ERCC6: variants seen among roughly 807,000 people sequenced by gnomAD.
ERCC6 encodes DNA excision repair protein ERCC-6.
Under a neutral mutation model 158.7 loss-of-function variants are expected in ERCC6, and 116 were observed. The observed-to-expected ratio is 0.73, with a 90% CI of 0.63 to 0.85. ERCC6 has a LOEUF of 0.85. Ranked by LOEUF, ERCC6 falls within the 40% of genes least tolerant of loss-of-function variation. The pLI, the probability that ERCC6 is intolerant of heterozygous loss-of-function variation, is 0.00. For missense variants in ERCC6, 1,698 were observed against 1,799.4 expected, an observed-to-expected ratio of 0.94 and a Z score of 1.02; for synonymous variants, 678 against 659.3, an observed-to-expected ratio of 1.03 and a Z score of -0.43.
rs538974759 is a variant in ERCC6, at chr10:49,500,920, T to C, written c.1527-224A>G. On this transcript the variant is annotated intron_variant, in intron 6 of 20. Coordinates refer to ENST00000355832, the MANE Select transcript of ERCC6 (RefSeq NM_000124.4). ...TTTTTCTTTACAAAACATTAACACATTTCTAATTAAACTGATAGATGGGGT... is the reference window on the plus strand; with the variant it reads ...TTTTTCTTTACAAAACATTAACACACTTCTAATTAAACTGATAGATGGGGT... 3.4e-5 allele frequency: 19 copies of C among 551,288 alleles called. No homozygotes were observed. In the Admixed American group the frequency reaches 6.0e-4, roughly 17 times the overall value. The allele number at this position is 551,288 out of a possible 1,614,324, so 34.1% of individuals were successfully genotyped here.
chr10:49,520,416 A>G (rs1837124534), intron 5 of ERCC6, among the ~76,000 whole-genome samples: 1 of 152,118 alleles, frequency 6.6e-6, no homozygotes, highest in Non-Finnish European at 1.5e-5. Context: ...AACTTGGGGG[A>G]ATGAGTTTAA....
intron 18 of ERCC6, among the ~76,000 whole-genome samples, chr10:49,468,053 G>A (rs1850708523): frequency 6.6e-6 from 1 of 152,176 alleles, no homozygotes; most frequent in Non-Finnish European, 1.5e-5. Flanking sequence ...TATTTTTCCA[G>A]TCTTAGCTGG....
intron 1 of ERCC6, among the ~76,000 whole-genome samples, chr10:49,538,020 G>A (rs1837643158): frequency 6.6e-6 from 1 of 152,246 alleles, no homozygotes; most frequent in African/African-American, 2.4e-5. Flanking sequence ...AAGAGCTGAT[G>A]CACTTGTGAA....
chr10:49,538,695 C>T (rs2132650967), intron 1 of ERCC6, among the ~76,000 whole-genome samples: 1 of 152,310 alleles, frequency 6.6e-6, no homozygotes, highest in East Asian at 1.9e-4. Flanking sequence ...CGCAGGGGGC[C>T]TTATACAAAG....
intron 2 of ERCC6, among the ~76,000 whole-genome samples, chr10:49,531,047 A>G (rs1837458286): frequency 6.6e-6 from 1 of 152,224 alleles, no homozygotes; most frequent in Admixed American, 6.5e-5. Flanking sequence ...GTTTTCTTTT[A>G]TCTAGCTGAT....
intron 18 of ERCC6, among the ~76,000 whole-genome samples, chr10:49,467,731 A>ATT (rs560815159): frequency 6.9e-6 from 1 of 145,482 alleles, no homozygotes; most frequent in Non-Finnish European, 1.5e-5. Context: ...ACACCCGGCT[A>ATT]TTTTTTTTTT....
rs932289121 is a variant in ERCC6 at position 49,519,590 on chromosome 10, T to A, written c.1397+4443A>T. 3.3e-5 allele frequency among the ~76,000 whole-genome samples: 5 copies of A among 152,304 alleles called. No homozygotes were observed. The East Asian group carries it at 9.7e-4, about 29-fold the overall frequency. On this transcript the variant is annotated intron_variant, in intron 5 of 20. Transcript: ENST00000355832. ...CATCTGAGGAGACTCAGGCACCGCC[T>A]ACTGAAGAGTCCGTTTCTGAACTCC...
At chr10:49,514,756 C>A (rs1278662531) in intron 5 of ERCC6, among the ~76,000 whole-genome samples, 1 of 152,300 alleles carries the variant, frequency 6.6e-6, no homozygotes, top group South Asian at 2.1e-4. Context: ...TATTCAGGCA[C>A]CAAGCTGGGT....
At chr10:49,507,637 G>C (rs140853588) in intron 5 of ERCC6, among the ~76,000 whole-genome samples, 1 of 152,088 alleles carries the variant, frequency 6.6e-6, no homozygotes, top group East Asian at 1.9e-4. Context: ...TACAACAATC[G>C]TTCTTGACAG....
At chr10:49,480,353 T>C (rs1264666035) in intron 10 of ERCC6, among the ~76,000 whole-genome samples, 1 of 152,198 alleles carries the variant, frequency 6.6e-6, no homozygotes, top group East Asian at 1.9e-4. Flanking sequence ...TGGAAATACC[T>C]TCATGGGAAG....
At chr10:49,449,529 A>G (rs149993400), downstream of ERCC6, among the ~76,000 whole-genome samples, 1 of 135,406 alleles carries the variant, frequency 7.4e-6, no homozygotes, top group African/African-American at 2.8e-5. Flanking sequence ...TTCTTCTAAG[A>G]GTTTTATAGG....
chr10:49,446,005 C>T, the ERCC6 span, among the ~76,000 whole-genome samples: 1 of 152,112 alleles, frequency 6.6e-6, no homozygotes, highest in East Asian at 1.9e-4. Flanking sequence ...TCCCTCATAT[C>T]TCACCCCACC....
rs776098507 is a variant in ERCC6 at position 49,478,432 on chromosome 10, A to C, written c.2208T>G (p.Asp736Glu). 21 of 1,613,936 alleles carry C rather than the reference A, an allele frequency of 1.3e-5. No homozygotes were observed. The East Asian group carries it at 4.7e-4, about 36-fold the overall frequency. ...TAYKCACVLR[D>E]TINPYLLRRM... ...TCCGCAGTAGGTATGGATTTATGGTATCTCGTAAGACACATGCACACTTGT... is the reference window on the plus strand; with the variant it reads ...TCCGCAGTAGGTATGGATTTATGGTCTCTCGTAAGACACATGCACACTTGT... Residue 736 changes from aspartate (D) to glutamate (E), a missense_variant, in exon 11 of 21, where the codon GAT becomes GAG. Physicochemically the swap from Asp to Glu is conservative, Grantham distance 45 (BLOSUM62 2). Transcript: ENST00000355832.
At chr10:49,448,501 T>C in the ERCC6 span, among the ~76,000 whole-genome samples, 15,691 of 152,264 alleles carry the variant, frequency 0.1, 1,177 homozygotes, top group East Asian at 0.38. Flanking sequence ...TACAATTCAG[T>C]AGCTTTTAGT....
At chr10:49,513,121 C>A (rs185835695) in intron 5 of ERCC6, among the ~76,000 whole-genome samples, 1 of 152,216 alleles carries the variant, frequency 6.6e-6, no homozygotes, top group Admixed American at 6.5e-5. Context: ...CTGATGTATG[C>A]CAAATATCTT....
intron 5 of ERCC6, 108 bp from the exon 6 acceptor site, chr10:49,506,120 CTTAGG>C: frequency 7.6e-7 from 1 of 1,317,040 alleles, no homozygotes; most frequent in Non-Finnish European, 1.1e-6. Context: ...AGAACGGTCT[CTTAGG>C]TTAATGCTGC....
intron 6 of ERCC6, chr10:49,503,204 A>G (rs1020161250): frequency 1.3e-5 from 2 of 152,138 alleles, no homozygotes; most frequent in Non-Finnish European, 2.9e-5. Context: ...AGAAATTATT[A>G]AAGAAATGGT....
chr10:49,537,481 T>TA (rs1470841712), intron 1 of ERCC6, among the ~76,000 whole-genome samples: 1 of 148,604 alleles, frequency 6.7e-6, no homozygotes, highest in Admixed American at 6.8e-5. Context: ...AACAGACATT[T>TA]AAAAACTATA....
At chr10:49,482,370 C>T (rs1590417136) in intron 10 of ERCC6, among the ~76,000 whole-genome samples, 1 of 152,288 alleles carries the variant, frequency 6.6e-6, no homozygotes, top group East Asian at 1.9e-4. Context: ...TAATTTCTAA[C>T]TGCTCTTCTG....
Sources: allele counts gnomAD v4.1 joint callset (sites outside exome capture counted in the v4.1 genomes callset), GRCh38; gene constraint gnomAD v4.1.1; transcripts MANE v1.5; gene names NCBI Gene and HGNC (gene_info 2026-07-23, HGNC 2026-07-21).